Variants in SH3BP5 observed in about 807,000 individuals in gnomAD.
SH3BP5 encodes SH3 domain-binding protein 5.
A neutral mutation model predicts 43.3 loss-of-function variants in SH3BP5; 22 were observed. That is an observed-to-expected ratio of 0.51 (90% CI 0.36 to 0.73). SH3BP5 has a LOEUF of 0.73. SH3BP5 is among the 30% of genes least tolerant of loss of function. SH3BP5 has a pLI of 0.00. For missense variants in SH3BP5, 529 were observed against 586.9 expected, an observed-to-expected ratio of 0.90 and a Z score of 1.02; for synonymous variants, 255 against 225.8, an observed-to-expected ratio of 1.13 and a Z score of -1.16.
chr3:15,317,968 T>C (rs1322090438), intron 2 of SH3BP5, among the ~76,000 whole-genome samples: 2 of 152,218 alleles, frequency 1.3e-5, no homozygotes, highest in African/African-American at 4.8e-5. Flanking sequence ...ATGCATCTGC[T>C]ATGCCTCCAA....
intron 3 of SH3BP5, among the ~76,000 whole-genome samples, chr3:15,300,513 G>T (rs1036026240): frequency 4.0e-5 from 6 of 150,244 alleles, no homozygotes; most frequent in African/African-American, 1.2e-4. Flanking sequence ...GGGGCGGGGG[G>T]ACAAGAGGAA....
Position 15,318,268 on chromosome 3 carries a change from C to T in SH3BP5, c.201+12236G>A, listed in dbSNP as rs1321477549. Among the ~76,000 whole-genome samples, 4 of 152,148 alleles carry T rather than the reference C, an allele frequency of 2.6e-5. No individual in the cohort carries two copies. The South Asian group carries it at 6.2e-4, about 24-fold the overall frequency. ...AGGGGCTGGAGGAGGAAAGGATCAACATTTGTTGGACATATATGCCAGGTA... is the reference window on the plus strand; with the variant it reads ...AGGGGCTGGAGGAGGAAAGGATCAATATTTGTTGGACATATATGCCAGGTA... On this transcript the variant is annotated intron_variant, in intron 2 of 8. Transcript: ENST00000383791.
At chr3:15,275,427 C>G (rs1234407523) in intron 3 of SH3BP5, among the ~76,000 whole-genome samples, 1 of 152,214 alleles carries the variant, frequency 6.6e-6, no homozygotes, top group African/African-American at 2.4e-5. Flanking sequence ...CAACCGATAA[C>G]ATTTTACCTT....
chr3:15,267,908 G>A (rs1024265508), intron 4 of SH3BP5, among the ~76,000 whole-genome samples: 2 of 152,196 alleles, frequency 1.3e-5, no homozygotes, highest in Admixed American at 1.3e-4. Flanking sequence ...GCTGACATGG[G>A]TCTCCAGCTG....
chr3:15,330,819 A>T (rs1039400932), intron 1 of SH3BP5: 12 of 884,480 alleles, frequency 1.4e-5, no homozygotes, highest in Non-Finnish European at 1.5e-5. Flanking sequence ...TCAGAGGTCA[A>T]CTATTCCAGG....
chr3:15,331,916 CGCG>C, intron 1 of SH3BP5: 1 of 211,192 alleles, frequency 4.7e-6, no homozygotes, highest in East Asian at 1.4e-4. Flanking sequence ...GTGCCATGCC[CGCG>C]GTGCCGCGGC....
intron 1 of SH3BP5, chr3:15,339,955 A>G (rs1239265119): frequency 6.6e-6 from 1 of 152,200 alleles, no homozygotes; most frequent in Non-Finnish European, 1.5e-5. Flanking sequence ...CTGCAAATCA[A>G]TGAGCATAAC....
chr3:15,308,022 A>C (rs1230459225), intron 2 of SH3BP5, among the ~76,000 whole-genome samples: 4 of 151,788 alleles, frequency 2.6e-5, no homozygotes, highest in Admixed American at 2.0e-4. Context: ...GAATTCTCAA[A>C]CTTTTCATTT....
intron 3 of SH3BP5, among the ~76,000 whole-genome samples, chr3:15,294,545 C>T (rs907530765): frequency 6.6e-6 from 1 of 152,112 alleles, no homozygotes; most frequent in African/African-American, 2.4e-5. Flanking sequence ...AGTCTCCCTT[C>T]ACATTCTCTT....
At chr3:15,264,887 A>T (rs139631597) in intron 4 of SH3BP5, among the ~76,000 whole-genome samples, 7 of 152,250 alleles carry the variant, frequency 4.6e-5, no homozygotes, top group Admixed American at 4.6e-4. Flanking sequence ...TTACAAAAAG[A>T]TCCAATTAAA....
intron 2 of SH3BP5, among the ~76,000 whole-genome samples, chr3:15,305,989 C>A (rs1575332429): frequency 6.6e-6 from 1 of 151,298 alleles, no homozygotes; most frequent in Non-Finnish European, 1.5e-5. Flanking sequence ...ATCCCCTCTA[C>A]CTCTCCCTCA....
Position 15,300,793 on chromosome 3 carries a change from C to T in SH3BP5, c.330+3310G>A, listed in dbSNP as rs547156843. ...CCTTTTCTACCCTGCTTCTTCCTGCCCACCTGCAAGAAGGAAGGAGATTAC... is the reference window on the plus strand; with the variant it reads ...CCTTTTCTACCCTGCTTCTTCCTGCTCACCTGCAAGAAGGAAGGAGATTAC... On this transcript the variant is annotated intron_variant, in intron 3 of 8. Coordinates refer to ENST00000383791, the MANE Select transcript of SH3BP5 (RefSeq NM_004844.5). Among the ~76,000 whole-genome samples, 39 of 152,218 alleles carry T rather than the reference C, an allele frequency of 2.6e-4. No individual in the cohort carries two copies. In the South Asian group the frequency reaches 8.1e-3, roughly 32 times the overall value.
At chr3:15,335,403 C>T (rs1698689726), upstream of SH3BP5, among the ~76,000 whole-genome samples, 1 of 151,708 alleles carries the variant, frequency 6.6e-6, no homozygotes, top group Admixed American at 6.6e-5. Flanking sequence ...AGAAACACCT[C>T]ATCTCTAATA....
chr3:15,268,422 TC>T (rs1174956239), intron 4 of SH3BP5, among the ~76,000 whole-genome samples: 1 of 152,030 alleles, frequency 6.6e-6, no homozygotes, highest in Non-Finnish European at 1.5e-5. Flanking sequence ...ACCCGCGCCG[TC>T]CAGGGTCTTA....
At chr3:15,270,227 C>T (rs1439813918) in intron 3 of SH3BP5, among the ~76,000 whole-genome samples, 1 of 152,214 alleles carries the variant, frequency 6.6e-6, no homozygotes, top group Non-Finnish European at 1.5e-5. Context: ...AGGCCTGTCA[C>T]CTTCCCTGCC....
At position 15,256,290 on chromosome 3, in the gene SH3BP5, TTCTGCCCTG is replaced by T; in HGVS notation, c.1155_1163del (p.Asp385_Ala387del). The T allele has an allele frequency of 6.2e-7, 1 of 1,612,484 alleles. No individual in the cohort carries two copies. The highest frequency in any genetic ancestry group is 8.5e-7 in the Non-Finnish European group (1 of 1,179,878). ...TGTCACTTGTTTTATTCTCTGCCCC[TTCTGCCCTG>T]TCTCCTATAGAAATACAAGGATTAT... On this transcript the variant is annotated inframe_deletion, in exon 9 of 9. Transcript: ENST00000383791.
chr3:15,259,036 A>T lies in SH3BP5; in HGVS notation c.684T>A (p.Thr228=), dbSNP rs775621976. 6.8e-6 allele frequency: 11 copies of T among 1,614,038 alleles called. No homozygotes were observed. Among genetic ancestry groups the T allele is most frequent in the Middle Eastern group, 1.6e-4 (1 of 6,084 alleles). The change falls in exon 7 of 9, where the codon ACT becomes ACA. Residue 228 remains threonine, a synonymous_variant. Coordinates refer to ENST00000383791, the MANE Select transcript of SH3BP5 (RefSeq NM_004844.5). ...YYVQLEQLKK[T]VDDLQAKLTL... ...TCAGTTTGGCCTGCAGGTCATCCAC[A>T]GTCTTTTTCAGTTGCTGATCAAGAG...
chr3:15,291,840 T>C (rs1485419595), intron 3 of SH3BP5, among the ~76,000 whole-genome samples: 2 of 152,322 alleles, frequency 1.3e-5, no homozygotes, highest in Non-Finnish European at 2.9e-5. Context: ...CATTTACTTC[T>C]CAGCATGAAT....
chr3:15,255,516 C>T lies in SH3BP5; in HGVS notation c.*570G>A, dbSNP rs1696163370. ...GTTTTAATGGGTATCCCAGCATACA[C>T]GCTTTTTTAAAAGCCCCCTCTGAAC... On this transcript the variant is annotated 3_prime_UTR_variant, in exon 9 of 9. Coordinates refer to ENST00000383791, the MANE Select transcript of SH3BP5 (RefSeq NM_004844.5). 2 of 152,526 alleles carry T rather than the reference C, an allele frequency of 1.3e-5. No homozygotes were observed. Among genetic ancestry groups the T allele is most frequent in the South Asian group, 2.1e-4 (1 of 4,830 alleles). The allele number at this position is 152,526 out of a possible 1,614,324, so 9.4% of individuals were successfully genotyped here.
Sources: allele counts gnomAD v4.1 joint callset (sites outside exome capture counted in the v4.1 genomes callset), GRCh38; gene constraint gnomAD v4.1.1; transcripts MANE v1.5; gene names NCBI Gene and HGNC (gene_info 2026-07-23, HGNC 2026-07-21).